The following DIAPH2 variants were observed in gnomAD, a reference collection of about 807,000 sequenced individuals.
DIAPH2 encodes the protein diaphanous related formin 2.
A neutral mutation model predicts 92.7 loss-of-function variants in DIAPH2; 35 were observed. The ratio of observed to expected loss-of-function variants is 0.38; its 90% CI spans 0.29 to 0.50. The LOEUF is 0.50. Ranked by LOEUF, DIAPH2 falls within the 20% of genes least tolerant of loss-of-function variation. The probability of loss-of-function intolerance (pLI) is 0.94; values close to 1 mark genes in which losing one functional copy is unlikely to be tolerated. For synonymous variants in DIAPH2, 301 were observed against 280.4 expected, an observed-to-expected ratio of 1.07 and a Z score of -0.73; for missense variants, 701 against 819.5, an observed-to-expected ratio of 0.86 and a Z score of 1.77.
At chrX:97,225,740 A>G (rs1233577075) in intron 22 of DIAPH2, among the ~76,000 whole-genome samples, 3 of 111,571 alleles carry the variant, frequency 2.7e-5, no homozygotes, top group Non-Finnish European at 5.6e-5. Context: ...AGCTATTGTC[A>G]TTTTACCCAA....
intron 26 of DIAPH2, among the ~76,000 whole-genome samples, chrX:97,452,497 C>T (rs1012712446): frequency 9.0e-6 from 1 of 111,603 alleles, no homozygotes; most frequent in Non-Finnish European, 1.9e-5. Context: ...GTTTGACCAT[C>T]CTTAGAAATG....
intron 5 of DIAPH2, among the ~76,000 whole-genome samples, chrX:96,907,408 A>T (rs2065440343): frequency 8.9e-6 from 1 of 112,215 alleles, no homozygotes; most frequent in South Asian, 3.7e-4. Flanking sequence ...TAACACCACT[A>T]ATTCTTCTTA....
rs756455745 is a variant in DIAPH2, at chrX:96,732,130, A to G, written c.133-3628A>G. ...CAGATGCACCCATCCACATAAATGA[A>G]TTTTGAGAGCTTGTCCCAGAAGACC... On this transcript the variant is annotated intron_variant, in intron 1 of 26. Transcript: ENST00000324765. 2.7e-5 allele frequency among the ~76,000 whole-genome samples: 3 copies of G among 111,384 alleles called. No individual in the cohort carries two copies. The East Asian group carries it at 8.5e-4, about 32-fold the overall frequency.
intron 22 of DIAPH2, among the ~76,000 whole-genome samples, chrX:97,162,352 T>C (rs1371465581): frequency 8.9e-6 from 1 of 111,855 alleles, no homozygotes; most frequent in Non-Finnish European, 1.9e-5. Context: ...ATTGTCAAAA[T>C]GGATATAAGA....
intron 22 of DIAPH2, among the ~76,000 whole-genome samples, chrX:97,175,246 T>C (rs866253716): frequency 9.0e-6 from 1 of 111,323 alleles, no homozygotes; most frequent in Non-Finnish European, 1.9e-5. Context: ...TTGAAGAAAA[T>C]AATCATTAAC....
chrX:97,225,983 A>G (rs2067962077), intron 22 of DIAPH2, among the ~76,000 whole-genome samples: 1 of 111,781 alleles, frequency 8.9e-6, no homozygotes, highest in Admixed American at 9.5e-5. Flanking sequence ...CAGCTGCTCT[A>G]GAGGAACTTA....
intron 17 of DIAPH2, among the ~76,000 whole-genome samples, chrX:96,999,255 C>G (rs1321558543): frequency 1.8e-5 from 2 of 110,852 alleles, no homozygotes; most frequent in Non-Finnish European, 3.8e-5. Flanking sequence ...TGGCTCACAC[C>G]TGTAATCCCA....
intron 4 of DIAPH2, among the ~76,000 whole-genome samples, chrX:96,848,907 G>A (rs1246730422): frequency 1.8e-5 from 2 of 111,763 alleles, no homozygotes; most frequent in East Asian, 2.8e-4. Context: ...CAAGAGTGGC[G>A]ATGGTTTTTT....
intron 4 of DIAPH2, among the ~76,000 whole-genome samples, chrX:96,859,104 A>T (rs887110674): frequency 1.8e-5 from 2 of 111,622 alleles, no homozygotes; most frequent in African/African-American, 6.5e-5. Context: ...AATATTTAGT[A>T]AAGTGATGTG....
intron 4 of DIAPH2, among the ~76,000 whole-genome samples, chrX:96,793,431 A>T (rs1461552060): frequency 8.9e-6 from 1 of 112,797 alleles, no homozygotes; most frequent in Non-Finnish European, 1.9e-5. Flanking sequence ...AGCCTCCCAC[A>T]GTGCTGGGAT....
At chrX:97,194,571 A>G (rs973378698) in intron 22 of DIAPH2, among the ~76,000 whole-genome samples, 1 of 111,601 alleles carries the variant, frequency 9.0e-6, no homozygotes, top group Non-Finnish European at 1.9e-5. Context: ...GGCGTGAACC[A>G]CTGCACCCGG....
At chrX:97,367,985 A>G (rs1421396542) in intron 24 of DIAPH2, among the ~76,000 whole-genome samples, 1 of 112,422 alleles carries the variant, frequency 8.9e-6, no homozygotes, top group Non-Finnish European at 1.9e-5. Flanking sequence ...TGCTGGGATT[A>G]CAGGCGTGAG....
Position 97,286,818 on chromosome X carries a change from C to A in DIAPH2, c.2844+38979C>A, listed in dbSNP as rs368105900. 1.1e-4 allele frequency among the ~76,000 whole-genome samples: 12 copies of A among 111,259 alleles called. No individual in the cohort carries two copies. In the East Asian group the frequency reaches 1.4e-3, roughly 13 times the overall value. ...GGCCTCTTCAGGAATGACCCAGATA[C>A]CCCTCTTCTGGGTCCCGCAACTTCA... is the stretch of plus-strand genomic sequence containing the variant. On this transcript the variant is annotated intron_variant, in intron 23 of 26. Transcript: ENST00000324765.
At chrX:97,121,629 G>C (rs2067059193) in intron 21 of DIAPH2, among the ~76,000 whole-genome samples, 1 of 112,021 alleles carries the variant, frequency 8.9e-6, no homozygotes. Flanking sequence ...ATTTTTGCCA[G>C]CAAAACTGTT....
intron 26 of DIAPH2, among the ~76,000 whole-genome samples, chrX:97,460,677 A>G (rs1975998729): frequency 9.0e-6 from 1 of 111,644 alleles, no homozygotes; most frequent in Non-Finnish European, 1.9e-5. Flanking sequence ...GAGTCAAACC[A>G]CAGAGCACGC....
intron 26 of DIAPH2, chrX:97,564,541 G>A (rs1196039529): frequency 9.0e-6 from 1 of 111,600 alleles, no homozygotes; most frequent in Non-Finnish European, 1.9e-5. Flanking sequence ...AAGGGCCAGG[G>A]AGCTCTCTAA....
intron 15 of DIAPH2, among the ~76,000 whole-genome samples, chrX:96,953,436 A>T (rs1043774398): frequency 1.8e-5 from 2 of 111,700 alleles, no homozygotes; most frequent in Non-Finnish European, 3.8e-5. Context: ...GCAGTTTTTC[A>T]TTAGTATATT....
intron 23 of DIAPH2, among the ~76,000 whole-genome samples, chrX:97,265,521 G>T: frequency 8.9e-6 from 1 of 111,751 alleles, no homozygotes; most frequent in Non-Finnish European, 1.9e-5. Context: ...GCCACTTTAG[G>T]TTAGGAGGGC....
intron 1 of DIAPH2, among the ~76,000 whole-genome samples, chrX:96,718,753 T>TA (rs1182475811): frequency 8.9e-6 from 1 of 111,894 alleles, no homozygotes; most frequent in Non-Finnish European, 1.9e-5. Context: ...AGAGAGCAGA[T>TA]ATCTCTTTTA....
Sources: gnomAD v4.1 joint callset for allele counts (sites outside exome capture counted in the v4.1 genomes callset) on GRCh38, gnomAD v4.1.1 for gene constraint, MANE v1.5 for transcripts, NCBI Gene and HGNC (gene_info 2026-07-23, HGNC 2026-07-21) for gene names.